The following SLC47A2 variants were observed in gnomAD, a reference collection of about 807,000 sequenced individuals.
The protein encoded by SLC47A2 is solute carrier family 47 member 2.
SLC47A2 carries 52 observed loss-of-function variants against 67.7 expected under a neutral mutation model. The ratio of observed to expected loss-of-function variants is 0.77; its 90% CI spans 0.61 to 0.97. SLC47A2 has a LOEUF of 0.97. SLC47A2 is among the 50% of genes least tolerant of loss of function. The probability of loss-of-function intolerance (pLI) is 0.00; values close to 1 mark genes in which losing one functional copy is unlikely to be tolerated. For missense variants in SLC47A2, 676 were observed against 712.3 expected, an observed-to-expected ratio of 0.95 and a Z score of 0.58; for synonymous variants, 278 against 292.9, an observed-to-expected ratio of 0.95 and a Z score of 0.52.
At chr17:19,702,494 C>T (rs112179038) in intron 13 of SLC47A2, 111 bp downstream of exon 13, 2 of 1,538,440 alleles carry the variant, frequency 1.3e-6, no homozygotes, top group South Asian at 1.2e-5. Context: ...ACAGTTAGCC[C>T]TTCATGTGTA....
At chr17:19,698,197 T>C (rs2085708083) in intron 13 of SLC47A2, among the ~76,000 whole-genome samples, 1 of 152,200 alleles carries the variant, frequency 6.6e-6, no homozygotes, top group African/African-American at 2.4e-5. Flanking sequence ...ATTTCGAGAA[T>C]TACTATAAAG....
At chr17:19,692,576 A>G (rs2085565874) in intron 13 of SLC47A2, among the ~76,000 whole-genome samples, 1 of 152,256 alleles carries the variant, frequency 6.6e-6, no homozygotes, top group Non-Finnish European at 1.5e-5. Context: ...CAAAGCCCAC[A>G]TGACCTTACC....
At chr17:19,698,610 C>T (rs1482132461) in intron 13 of SLC47A2, among the ~76,000 whole-genome samples, 1 of 152,150 alleles carries the variant, frequency 6.6e-6, no homozygotes, top group African/African-American at 2.4e-5. Context: ...TTGCCTCAGC[C>T]TCCCAAAGTC....
chr17:19,714,877 ATGC>A, intron 2 of SLC47A2, 88 bp from the exon 3 acceptor site: 1 of 1,571,222 alleles, frequency 6.4e-7, no homozygotes, highest in Non-Finnish European at 8.7e-7. Context: ...GGGTCAGGAA[ATGC>A]TGCCCAGCAG....
At chr17:19,692,400 A>G (rs2085563389) in intron 13 of SLC47A2, 1 of 369,674 alleles carries the variant, frequency 2.7e-6, no homozygotes, top group Admixed American at 4.2e-5. Flanking sequence ...TAAAGGAAAT[A>G]TGAAGAGCAA....
intron 2 of SLC47A2, 33 bp from the exon 3 acceptor site, chr17:19,714,822 G>C: frequency 6.2e-7 from 1 of 1,613,634 alleles, no homozygotes; most frequent in Non-Finnish European, 8.5e-7. Context: ...ACAAGAGCTT[G>C]TCAGGTGAGG....
rs750219320 is a variant in SLC47A2 at position 19,707,837 on chromosome 17, G to A, written c.636C>T (p.Ser212=). ...VSVLNLGVRG[S]AYANIISQFA... ...ACTGGGAGATGATGTTGGCATAGGC[G>A]GAGCCCCTGGGTAAGGAGGGAGAAC... The change falls in exon 8 of 17, where the codon TCC becomes TCT. Residue 212 remains serine (S), a synonymous_variant. Coordinates refer to ENST00000433844, the MANE Select transcript of SLC47A2 (RefSeq NM_001099646.3). 3.8e-5 allele frequency: 60 copies of A among 1,592,788 alleles called. No individual in the cohort carries two copies. The highest frequency in any genetic ancestry group is 1.9e-4 in the African/African-American group (14 of 74,284).
chr17:19,681,785 A>G, intron 13 of SLC47A2, 115 bp from the exon 14 acceptor site: 1 of 1,310,142 alleles, frequency 7.6e-7, no homozygotes. Context: ...GAGTTCTCAC[A>G]GCACTGGATG....
In SLC47A2 at chr17:19,710,487, G is replaced by A. The variant is rs766584552; in HGVS notation, c.487-1727C>T. Among the ~76,000 whole-genome samples, 10 of 151,316 alleles carry A rather than the reference G, an allele frequency of 6.6e-5. No individual in the cohort carries two copies. The South Asian group carries it at 1.5e-3, about 22-fold the overall frequency. On this transcript the variant is annotated intron_variant, in intron 5 of 16. Coordinates refer to ENST00000433844, the MANE Select transcript of SLC47A2 (RefSeq NM_001099646.3). ...TTTTTTTTTAGACAGAGTTTCGCTCGTGTTGCCCAGGCTGAAGTGCAGTGA... is the reference window on the plus strand; with the variant it reads ...TTTTTTTTTAGACAGAGTTTCGCTCATGTTGCCCAGGCTGAAGTGCAGTGA...
chr17:19,715,309 C>A, intron 1 of SLC47A2, 92 bp from the exon 2 acceptor site: 1 of 1,146,776 alleles, frequency 8.7e-7, no homozygotes, highest in Non-Finnish European at 1.3e-6. Flanking sequence ...GAGGGCCCCG[C>A]ACCAGTGCCC....
intron 13 of SLC47A2, among the ~76,000 whole-genome samples, chr17:19,682,151 A>C (rs2085328077): frequency 6.6e-6 from 1 of 152,168 alleles, no homozygotes. Flanking sequence ...AGATCACTTG[A>C]GGTCAGGAGT....
At position 19,683,905 on chromosome 17, in the gene SLC47A2, G is replaced by GA. The variant is rs1172193799; in HGVS notation, c.1165-2236dup. 3.9e-5 allele frequency among the ~76,000 whole-genome samples: 6 copies of GA among 152,220 alleles called. No individual in the cohort carries two copies. In the East Asian group the frequency reaches 5.8e-4, roughly 15 times the overall value. ...GACTTAAAAAAATAAGAACAAGGGG[G>GA]AAAAAACTGAGCAAGAGACATCAGC... On this transcript the variant is annotated intron_variant, in intron 13 of 16. Coordinates refer to ENST00000433844, the MANE Select transcript of SLC47A2 (RefSeq NM_001099646.3).
intron 15 of SLC47A2, among the ~76,000 whole-genome samples, chr17:19,681,027 C>T (rs1723559636): frequency 6.6e-6 from 1 of 152,040 alleles, no homozygotes; most frequent in Non-Finnish European, 1.5e-5. Context: ...TCCTGGCTAA[C>T]ACGGTGAAAC....
At chr17:19,698,353 T>C (rs2085711355) in intron 13 of SLC47A2, among the ~76,000 whole-genome samples, 1 of 152,156 alleles carries the variant, frequency 6.6e-6, no homozygotes, top group East Asian at 1.9e-4. Flanking sequence ...CAGTACTTTT[T>C]TTATTATTTA....
intron 10 of SLC47A2, 48 bp downstream of exon 10, chr17:19,705,388 A>AGCCAT: frequency 6.4e-7 from 1 of 1,564,912 alleles, no homozygotes; most frequent in Non-Finnish European, 8.7e-7. Flanking sequence ...TGACACCTCC[A>AGCCAT]GCCATCAGGT....
intron 4 of SLC47A2, among the ~76,000 whole-genome samples, chr17:19,713,530 A>G (rs538863158): frequency 4.6e-5 from 7 of 152,348 alleles, no homozygotes. Flanking sequence ...TAAAGCTCCA[A>G]CTGTGTCCGG....
rs1250949956 is a variant in SLC47A2 at position 19,685,071 on chromosome 17, C to G, written c.1165-3401G>C. On this transcript the variant is annotated intron_variant, in intron 13 of 16. Transcript: ENST00000433844. This position sits in a 1 kb window ranked among gnomAD's most constrained non-coding sequence, Gnocchi z 4.5. ...GTGTTGACCGGGCTGGCCTCCAGCTCCTAGCCTCGGGTGAAGTGCCCGCCT... is the reference window on the plus strand; with the variant it reads ...GTGTTGACCGGGCTGGCCTCCAGCTGCTAGCCTCGGGTGAAGTGCCCGCCT... Among the ~76,000 whole-genome samples, 1 of 152,106 alleles carries G rather than the reference C, an allele frequency of 6.6e-6. No individual in the cohort carries two copies. The highest frequency in any genetic ancestry group is 2.4e-5 in the African/African-American group (1 of 41,370).
At chr17:19,718,494 C>G (rs1286451434), upstream of SLC47A2, 4 of 152,288 alleles carry the variant, frequency 2.6e-5, no homozygotes, top group Non-Finnish European at 5.9e-5. Flanking sequence ...GTGTTCAGCA[C>G]TCAGCTGCAC....
intron 3 of SLC47A2, 150 bp downstream of exon 3, chr17:19,714,571 T>C: frequency 1.2e-6 from 1 of 822,366 alleles, no homozygotes; most frequent in Admixed American, 1.9e-5. Flanking sequence ...CAGCCTGTGG[T>C]CCTTGGAGGT....
Sources: gnomAD v4.1 joint callset for allele counts (sites outside exome capture counted in the v4.1 genomes callset) on GRCh38, gnomAD v4.1.1 for gene constraint, Gnocchi (gnomAD v3.1) non-coding constraint, MANE v1.5 for transcripts, NCBI Gene and HGNC (gene_info 2026-07-23, HGNC 2026-07-21) for gene names.